Variants in SECISBP2 observed in about 807,000 individuals in gnomAD.
SECISBP2 encodes selenocysteine insertion sequence-binding protein 2.
In SECISBP2, 96 loss-of-function variants were observed where a neutral mutation model predicts 98.2. The observed-to-expected ratio is 0.98, with a 90% confidence interval of 0.83 to 1.16. The LOEUF is 1.16. SECISBP2 is among the 50% of genes most tolerant of loss of function. SECISBP2 has a pLI of 0.00. For missense variants in SECISBP2, 1,046 were observed against 1,022.9 expected (o/e 1.02, Z -0.31); for synonymous variants, 407 against 370.2 (o/e 1.10, Z -1.14).
At chr9:89,357,824 C>T (rs1327810786) in intron 15 of SECISBP2, among the ~76,000 whole-genome samples, 175 bp from the exon 16 acceptor site, 1 of 152,206 alleles carries the variant, frequency 6.6e-6, no homozygotes, top group African/African-American at 2.4e-5. Context: ...CCCAAGAAGT[C>T]GGCCTAGCCC....
rs1015610115 is a variant in SECISBP2, at chr9:89,318,511, G to A, written c.-66G>A. 2.7e-6 allele frequency: 4 copies of A among 1,485,178 alleles called. No individual in the cohort carries two copies. Among genetic ancestry groups the A allele is most frequent in the Non-Finnish European group, 3.6e-6 (4 of 1,110,372 alleles). The allele number at this position is 1,485,178 out of a possible 1,614,324, so 92.0% of individuals were successfully genotyped here. A position where few individuals can be genotyped will look rare whatever the true frequency, so the allele number is the denominator to read the frequency against. ...TCGCCTGCGGGGGCGGAAACGCTTTGTCTGTCCGGCAAGCCGACGGCCCGC... is the reference window on the plus strand; with the variant it reads ...TCGCCTGCGGGGGCGGAAACGCTTTATCTGTCCGGCAAGCCGACGGCCCGC... On this transcript the variant is annotated 5_prime_UTR_variant, in exon 1 of 17. Transcript: ENST00000375807.
In SECISBP2 at chr9:89,359,017, G is replaced by C. The variant is rs943769299; in HGVS notation, c.*193G>C. 84 of 599,394 alleles carry C rather than the reference G, an allele frequency of 1.4e-4. No homozygotes were observed. The African/African-American group carries it at 1.4e-3, about 10-fold the overall frequency. The allele number at this position is 599,394 out of a possible 1,614,324, so 37.1% of individuals were successfully genotyped here. On this transcript the variant is annotated 3_prime_UTR_variant, in exon 17 of 17. Transcript: ENST00000375807. ...TGCGGAGCCTGTTAAAGGTCACTCAGATGTGCAGGTGTTAATCTTCTCTAA... is the reference window on the plus strand; with the variant it reads ...TGCGGAGCCTGTTAAAGGTCACTCACATGTGCAGGTGTTAATCTTCTCTAA...
chr9:89,362,207 C>G, downstream of SECISBP2: 1 of 827,930 alleles, frequency 1.2e-6, no homozygotes, highest in East Asian at 2.5e-5. Context: ...CTGTCACAGG[C>G]CCACTTGGGT....
chr9:89,329,108 TTTG>T lies in SECISBP2; in HGVS notation c.801+225_801+227del. 3 of 488,762 alleles carry T rather than the reference TTTG, an allele frequency of 6.1e-6. No homozygotes were observed. In the South Asian group the frequency reaches 6.6e-5, roughly 11 times the overall value. The allele number at this position is 488,762 out of a possible 1,614,324, so 30.3% of individuals were successfully genotyped here. On this transcript the variant is annotated intron_variant, in intron 5 of 16. Transcript: ENST00000375807. ...TGCAGCTATTGTTTTATTTGTGCGTTTTGTTTTGTTTTGTTTTGTTTTTGAAAC... is the reference window on the plus strand; with the variant it reads ...TGCAGCTATTGTTTTATTTGTGCGTTTTTTGTTTTGTTTTGTTTTTGAAAC...
chr9:89,364,326 C>T, downstream of SECISBP2: 1 of 341,740 alleles, frequency 2.9e-6, no homozygotes, highest in South Asian at 2.5e-5. Flanking sequence ...CCTGTGACCA[C>T]ATGGACAGAG....
At chr9:89,357,283 A>G in intron 14 of SECISBP2, 128 bp from the exon 15 acceptor site, 1 of 987,886 alleles carries the variant, frequency 1.0e-6, no homozygotes, top group South Asian at 1.3e-5. Context: ...TTGTATTTTC[A>G]GGGGCGTCTG....
In SECISBP2 at chr9:89,351,155, T is replaced by C. The variant is rs751904904; in HGVS notation, c.2113+303T>C. 6.8e-4 allele frequency among the ~76,000 whole-genome samples: 103 copies of C among 152,268 alleles called. 2 individuals carry two copies. Among genetic ancestry groups the C allele is most frequent in the Admixed American group, 5.2e-4 (8 of 15,306 alleles). On this transcript the variant is annotated intron_variant, in intron 14 of 16. Coordinates refer to ENST00000375807, the MANE Select transcript of SECISBP2 (RefSeq NM_024077.5). ...GCAGGCCACTGCCCTGGGGCTGGGATTGTCACTGGTCACTTGCACCACAGA... is the reference window on the plus strand; with the variant it reads ...GCAGGCCACTGCCCTGGGGCTGGGACTGTCACTGGTCACTTGCACCACAGA...
chr9:89,332,840 A>G (rs1827979834), intron 5 of SECISBP2, 68 bp from the exon 6 acceptor site: 5 of 1,229,472 alleles, frequency 4.1e-6, no homozygotes, highest in Admixed American at 3.4e-5. Context: ...CTGGATTTTG[A>G]TATGTAGTGT....
At position 89,336,081 on chromosome 9, in the gene SECISBP2, C is replaced by CTTTTTTTTTTTTTTTTTT. The variant is rs59799418; in HGVS notation, c.1089+1361_1089+1378dup. On this transcript the variant is annotated intron_variant, in intron 7 of 16. Transcript: ENST00000375807. Reference sequence around the variant, plus strand: ...TTTTTCCCTTAAGTAATTTTAAGTGCTTTTTTTTTTTTTTTTTTTTTTTTT... The same window carrying CTTTTTTTTTTTTTTTTTT: ...TTTTTCCCTTAAGTAATTTTAAGTGCTTTTTTTTTTTTTTTTTTTTTTTTTTTTTTTTTTTTTTTTTTT... Among the ~76,000 whole-genome samples, 29 of 33,060 alleles carry CTTTTTTTTTTTTTTTTTT rather than the reference C, an allele frequency of 8.8e-4. 3 individuals are homozygous for CTTTTTTTTTTTTTTTTTT. Among genetic ancestry groups the CTTTTTTTTTTTTTTTTTT allele is most frequent in the Non-Finnish European group, 1.1e-3 (20 of 17,538 alleles). 21.7% of individuals were successfully genotyped at this position (33,060 alleles called of 152,430 possible).
chr9:89,363,467 TC>T, downstream of SECISBP2: 1 of 1,613,910 alleles, frequency 6.2e-7, no homozygotes. Flanking sequence ...CCGGTCGTGC[TC>T]CCCAGCCACA....
downstream of SECISBP2, chr9:89,363,949 A>C (rs1833160113): frequency 6.2e-7 from 1 of 1,613,912 alleles, no homozygotes; most frequent in Admixed American, 1.7e-5. Context: ...TGTCTGCAGG[A>C]CCTGGGGACA....
chr9:89,362,532 G>T (rs1285867462), downstream of SECISBP2: 55 of 1,592,668 alleles, frequency 3.5e-5, no homozygotes, highest in Non-Finnish European at 4.6e-5. Flanking sequence ...AGCACTCAAG[G>T]CCTCAGCCCC....
intron 2 of SECISBP2, 120 bp downstream of exon 2, chr9:89,319,917 TCAAC>T: frequency 9.2e-7 from 1 of 1,087,092 alleles, no homozygotes; most frequent in Non-Finnish European, 1.4e-6. Context: ...AGAATGCTCT[TCAAC>T]CAAGAAGAGT....
rs147070965 is a variant in SECISBP2 at position 89,334,613 on chromosome 9, C to T, written c.972C>T (p.Asn324=). 3 of 1,613,834 alleles carry T rather than the reference C, an allele frequency of 1.9e-6. No individual in the cohort carries two copies. The highest frequency in any genetic ancestry group is 1.6e-4 in the Middle Eastern group (1 of 6,062). The change falls in exon 7 of 17, where the codon AAC becomes AAT. Residue 324 remains asparagine, a synonymous_variant. Transcript: ENST00000375807. ...AAPKNVTSMI[N]LKTIASSADP... is the part of the protein sequence containing the mutation. Reference sequence around the variant, plus strand: ...CTAAAAATGTTACTTCTATGATAAACTTAAAGACCATTGCTTCATCAGCAG... The same window carrying T: ...CTAAAAATGTTACTTCTATGATAAATTTAAAGACCATTGCTTCATCAGCAG...
chr9:89,334,242 T>A (rs1013263156), intron 6 of SECISBP2: 16 of 1,162,242 alleles, frequency 1.4e-5, no homozygotes, highest in Non-Finnish European at 1.8e-5. Flanking sequence ...GTTTTTTAAC[T>A]AAAACTACTG....
At chr9:89,320,577 G>A (rs538742351) in intron 2 of SECISBP2, among the ~76,000 whole-genome samples, 1 of 152,220 alleles carries the variant, frequency 6.6e-6, no homozygotes, top group East Asian at 1.9e-4. Flanking sequence ...TAATTTTTTG[G>A]AAATTGTTGA....
chr9:89,362,306 T>A (rs748439930), downstream of SECISBP2: 1 of 1,605,772 alleles, frequency 6.2e-7, no homozygotes, highest in Non-Finnish European at 8.5e-7. Flanking sequence ...CAGTTCACAG[T>A]TGTGGGGGAC....
rs1279489568 is a variant in SECISBP2 at position 89,346,954 on chromosome 9, C to A, written c.1508C>A (p.Thr503Asn). 1 of 1,614,130 alleles carries A rather than the reference C, an allele frequency of 6.2e-7. No homozygotes were observed. The highest frequency in any genetic ancestry group is 8.5e-7 in the Non-Finnish European group (1 of 1,180,008). The change falls in exon 11 of 17, where the codon ACC becomes AAC. Residue 503 changes from threonine to asparagine, a missense_variant. By Grantham distance (65) the Thr-to-Asn change is moderately conservative (BLOSUM62 0). Transcript: ENST00000375807. Reference protein sequence around the residue: ...ERGRRMSQMKTPHNPLDSSAP... With the variant: ...ERGRRMSQMKNPHNPLDSSAP... ...GGCCGCCGCATGAGTCAAATGAAGA[C>A]CCCGCACAATCCCTTGGACTCCAGC...
chr9:89,332,298 T>C (rs140191198), intron 5 of SECISBP2, among the ~76,000 whole-genome samples: 2 of 152,296 alleles, frequency 1.3e-5, no homozygotes, highest in East Asian at 1.9e-4. Context: ...TTTGTTACAA[T>C]TGATGACCTG....
Sources: gnomAD v4.1 joint callset for allele counts (sites outside exome capture counted in the v4.1 genomes callset) on GRCh38, gnomAD v4.1.1 for gene constraint, MANE v1.5 for transcripts, NCBI Gene and HGNC (gene_info 2026-07-23, HGNC 2026-07-21) for gene names.